Variants in MECR observed in about 807,000 individuals in gnomAD.
MECR encodes the protein mitochondrial trans-2-enoyl-CoA reductase.
In MECR, 37 loss-of-function variants were observed where a neutral mutation model predicts 49.1. The observed-to-expected ratio is 0.75, with a 90% CI of 0.58 to 0.99. MECR has a LOEUF of 0.99. Ranked by LOEUF, MECR falls within the 50% of genes least tolerant of loss-of-function variation. MECR has a pLI of 0.00. For synonymous variants in MECR, 198 were observed against 191.1 expected (o/e 1.04, Z -0.30); for missense variants, 470 against 479.6 (o/e 0.98, Z 0.19).
Position 29,203,167 on chromosome 1 carries a change from G to A in MECR, c.617C>T (p.Ala206Val). Residue 206 changes from alanine (A) to valine (V), a missense_variant, in exon 5 of 10, where the codon GCC becomes GTC. Transcript: ENST00000263702. The part of the protein sequence containing the change: ...VGQAVIQIAA[A>V]LGLRTINVVR... ...CACATTGATGGTTCTTAGGCCCAGG[G>A]CTGCGGCGATCTGGATGACTGCTTG... The A allele has an allele frequency of 6.3e-7, 1 of 1,584,614 alleles. No homozygotes were observed. Among genetic ancestry groups the A allele is most frequent in the South Asian group, 1.1e-5 (1 of 87,710 alleles).
At chr1:29,187,731 C>G (rs1464363710), downstream of MECR, among the ~76,000 whole-genome samples, 1 of 150,702 alleles carries the variant, frequency 6.6e-6, no homozygotes, top group Non-Finnish European at 1.5e-5. Context: ...TCCCAAGTAG[C>G]TGGAACTAAA....
chr1:29,170,527 GC>G, the MECR span: 1 of 152,088 alleles, frequency 6.6e-6, no homozygotes, highest in Admixed American at 6.5e-5. Flanking sequence ...CCTCATAATC[GC>G]CCCTGGTCCC....
downstream of MECR, among the ~76,000 whole-genome samples, chr1:29,188,204 T>G (rs1317546036): frequency 2.0e-5 from 3 of 151,578 alleles, no homozygotes; most frequent in Non-Finnish European, 4.4e-5. Flanking sequence ...TTACTTTTTT[T>G]TTTGAAATGG....
In MECR at chr1:29,207,930, A is replaced by G. The variant is rs1389235975; in HGVS notation, c.407-1025T>C. ...GTAACATTACCACCAGGGCAGGAGAAGCTGAGAAAGCCCCCTTTTTCCTAC... is the reference window on the plus strand; with the variant it reads ...GTAACATTACCACCAGGGCAGGAGAGGCTGAGAAAGCCCCCTTTTTCCTAC... On this transcript the variant is annotated intron_variant, in intron 3 of 9. Coordinates refer to ENST00000263702, the MANE Select transcript of MECR (RefSeq NM_016011.5). 2.6e-5 allele frequency among the ~76,000 whole-genome samples: 4 copies of G among 152,214 alleles called. No homozygotes were observed. In the East Asian group the frequency reaches 5.8e-4, roughly 22 times the overall value.
chr1:29,214,735 G>A (rs965962931), intron 3 of MECR, among the ~76,000 whole-genome samples: 1 of 152,194 alleles, frequency 6.6e-6, no homozygotes, highest in African/African-American at 2.4e-5. Context: ...ACACTGGTGT[G>A]TAATGGGAAC....
rs375704280 is a variant in MECR, at chr1:29,201,938, G to A, written c.756+5C>T. ...TGGAGGGGCAATGTCCCTCTTCCTA[G>A]GTACCTTAAAGAAGTTTTTCATTTC... On this transcript the variant is annotated splice_donor_5th_base_variant and intron_variant, in intron 6 of 9. Coordinates refer to ENST00000263702, the MANE Select transcript of MECR (RefSeq NM_016011.5). The surrounding 1 kb of genome is among the most constrained non-coding windows in gnomAD (Gnocchi z 4.3). The A allele has an allele frequency of 1.6e-5, 26 of 1,610,548 alleles. No homozygotes were observed. The highest frequency in any genetic ancestry group is 2.2e-5 in the Non-Finnish European group (26 of 1,176,854).
intron 1 of MECR, among the ~76,000 whole-genome samples, chr1:29,221,708 T>C (rs1194899530): frequency 6.6e-6 from 1 of 152,174 alleles, no homozygotes; most frequent in Non-Finnish European, 1.5e-5. Flanking sequence ...ACAGGTGACC[T>C]GCAGTATGGA....
Position 29,206,650 on chromosome 1 carries a change from A to G in MECR, c.550+112T>C, listed in dbSNP as rs1676646003. On this transcript the variant is annotated intron_variant, in intron 4 of 9. Coordinates refer to ENST00000263702, the MANE Select transcript of MECR (RefSeq NM_016011.5). ...CAACATTCACCCAGGTGAGAGGTCC[A>G]TCACCCCCTCAAAACCTCCACCTTG... 4 of 1,257,394 alleles carry G rather than the reference A, an allele frequency of 3.2e-6. No homozygotes were observed. In the East Asian group the frequency reaches 7.1e-5, roughly 22 times the overall value. The allele number at this position is 1,257,394 out of a possible 1,614,324, so 77.9% of individuals were successfully genotyped here.
At chr1:29,215,948 G>A (rs780898420) in intron 3 of MECR, 57 bp downstream of exon 3, 60 of 1,600,974 alleles carry the variant, frequency 3.7e-5, no homozygotes, top group Non-Finnish European at 4.9e-5. Flanking sequence ...TGCCGACAGA[G>A]TGGGTGAAAT....
downstream of MECR, among the ~76,000 whole-genome samples, chr1:29,190,918 G>A (rs1240766179): frequency 2.0e-5 from 3 of 152,176 alleles, no homozygotes; most frequent in South Asian, 2.1e-4. Context: ...TGTTTATTCC[G>A]GCCTGCCATG....
rs374970921 is a variant in MECR, at chr1:29,194,190, T to C, written c.965-11A>G. 145 of 1,591,550 alleles carry C rather than the reference T, an allele frequency of 9.1e-5. No individual in the cohort carries two copies. Among genetic ancestry groups the C allele is most frequent in the African/African-American group, 3.2e-4 (24 of 74,132 alleles). On this transcript the variant is annotated splice_polypyrimidine_tract_variant and intron_variant, in intron 9 of 9. Transcript: ENST00000263702. Reference sequence around the variant, plus strand: ...GCTCCTTGAACTGGTCTGCGGGAGGTTGGAGGAAATCAGACAAGAGAACAG... The same window carrying C: ...GCTCCTTGAACTGGTCTGCGGGAGGCTGGAGGAAATCAGACAAGAGAACAG...
At position 29,201,973 on chromosome 1, in the gene MECR, T is replaced by A. The variant is rs1323627363; in HGVS notation, c.726A>T (p.Leu242=). ...AGAAGTTTTTCATTTCGGGCCTTCT[T>A]AGCTCCTCTTCTGTGATGACATGCT... ...GAEHVITEEE[L]RRPEMKNFFK... Residue 242 remains leucine, a synonymous_variant, in exon 6 of 10, where the codon CTA becomes CTT. Coordinates refer to ENST00000263702, the MANE Select transcript of MECR (RefSeq NM_016011.5). This position sits in a 1 kb window ranked among gnomAD's most constrained non-coding sequence, Gnocchi z 4.3. 3 of 1,614,188 alleles carry A rather than the reference T, an allele frequency of 1.9e-6. No homozygotes were observed. The South Asian group carries it at 3.3e-5, about 18-fold the overall frequency.
chr1:29,213,212 G>A (rs1265197589), intron 3 of MECR, among the ~76,000 whole-genome samples: 1 of 152,242 alleles, frequency 6.6e-6, no homozygotes, highest in African/African-American at 2.4e-5. Context: ...CACCTTGATA[G>A]GACCTTCACT....
chr1:29,170,294 A>T, the MECR span: 2 of 152,346 alleles, frequency 1.3e-5, no homozygotes, highest in African/African-American at 4.8e-5. Context: ...ATTTAGAATA[A>T]AACTCTTGGG....
chr1:29,170,313 T>C, the MECR span: 7 of 152,342 alleles, frequency 4.6e-5, no homozygotes, highest in South Asian at 1.4e-3. Flanking sequence ...GGATTTAATA[T>C]AGAATTACTT....
intron 4 of MECR, among the ~76,000 whole-genome samples, chr1:29,203,513 C>G (rs1002804083): frequency 3.3e-5 from 5 of 152,216 alleles, no homozygotes; most frequent in Non-Finnish European, 4.4e-5. Context: ...TATTTTATAG[C>G]CTTCGTCATC....
At chr1:29,168,963 C>A in the MECR span, 3 of 152,110 alleles carry the variant, frequency 2.0e-5, no homozygotes, top group African/African-American at 7.2e-5. Flanking sequence ...AAAGCAGCAA[C>A]CAGAAAAGTA....
At chr1:29,187,609 T>C in the MECR span, among the ~76,000 whole-genome samples, 581 of 151,606 alleles carry the variant, frequency 3.8e-3, 2 homozygotes, top group African/African-American at 0.011. Context: ...TTTTTTTCCT[T>C]TTTTTGTTGA....
chr1:29,194,799 T>C (rs940910630), intron 9 of MECR, among the ~76,000 whole-genome samples: 4 of 152,230 alleles, frequency 2.6e-5, no homozygotes, highest in Non-Finnish European at 5.9e-5. Flanking sequence ...TAGTCATCTA[T>C]ACTGGCTCCT....
Sources: allele counts gnomAD v4.1 joint callset (sites outside exome capture counted in the v4.1 genomes callset), GRCh38; gene constraint gnomAD v4.1.1; non-coding constraint Gnocchi (gnomAD v3.1); transcripts MANE v1.5; gene names NCBI Gene and HGNC (gene_info 2026-07-23, HGNC 2026-07-21).